The following PDE10A variants were observed in gnomAD, a reference collection of about 807,000 sequenced individuals.
PDE10A encodes the protein cAMP and cAMP-inhibited cGMP 3',5'-cyclic phosphodiesterase 10A.
PDE10A carries 39 observed loss-of-function variants against 97.7 expected under a neutral mutation model. The observed-to-expected ratio is 0.40, with a 90% CI of 0.31 to 0.52. The LOEUF (loss-of-function observed/expected upper bound fraction) is 0.52. Among genes scored for constraint, PDE10A ranks in the 20% least tolerant of loss-of-function variants. The pLI is 0.56. For missense variants in PDE10A, 731 were observed against 1,047.8 expected (o/e 0.70, Z 4.17); for synonymous variants, 371 against 376.8 (o/e 0.98, Z 0.18).
At chr6:165,755,193 C>G (rs1793089739) in intron 1 of PDE10A, among the ~76,000 whole-genome samples, 1 of 152,186 alleles carries the variant, frequency 6.6e-6, no homozygotes, top group Admixed American at 6.5e-5. Flanking sequence ...AGAGGAGCAT[C>G]AAAGTCCTGA....
intron 1 of PDE10A, among the ~76,000 whole-genome samples, chr6:165,699,814 T>C (rs527424258): frequency 2.0e-5 from 3 of 152,224 alleles, no homozygotes; most frequent in South Asian, 4.1e-4. Context: ...CCAAAACTTA[T>C]GGGACGCAGC....
intron 1 of PDE10A, among the ~76,000 whole-genome samples, chr6:165,555,037 G>A (rs577241003): frequency 6.6e-6 from 1 of 152,240 alleles, no homozygotes; most frequent in East Asian, 1.9e-4. Context: ...GTAGTAGGGG[G>A]CTAGGAGGAG....
chr6:165,791,012 C>T lies in PDE10A; in HGVS notation c.-615+196517G>A, dbSNP rs561150666. ...GATCAGTAACTCCTTATTTCTCCTA[C>T]CCCTTAACCCCAGCAACCAACTCCT... is the stretch of plus-strand genomic sequence containing the variant. On this transcript the variant is annotated intron_variant, in intron 1 of 19. Transcript: ENST00000366882. Among the ~76,000 whole-genome samples the T allele has an allele frequency of 2.6e-5, 4 of 152,166 alleles. No homozygotes were observed. The South Asian group carries it at 6.2e-4, about 24-fold the overall frequency.
intron 1 of PDE10A, among the ~76,000 whole-genome samples, chr6:165,675,976 G>T (rs1229965137): frequency 6.6e-6 from 1 of 152,128 alleles, no homozygotes; most frequent in African/African-American, 2.4e-5. Context: ...CAAAGATATG[G>T]AATCACCCTA....
chr6:165,662,027 A>G lies in PDE10A; in HGVS notation c.785T>C (p.Leu262Pro). ...TCCATCTTCCATGTCGGAGCCGAAGAGCAGCGCGGCCGCGGCGGCGAGGGC... is the reference window on the plus strand; with the variant it reads ...TCCATCTTCCATGTCGGAGCCGAAGGGCAGCGCGGCCGCGGCGGCGAGGGC... ...SFALAAAAAL[L>P]FGSDMEDGPS... is the part of the protein sequence containing the mutation. Residue 262 changes from leucine (L) to proline (P), a missense_variant, in exon 1 of 22, where the codon CTC (leucine) becomes CCC (proline). Leu to Pro is a moderately conservative substitution (Grantham distance 98). Coordinates refer to ENST00000539869, the MANE Select transcript of PDE10A (RefSeq NM_001385079.1). 6.7e-7 allele frequency: 1 copy of G among 1,497,140 alleles called. No homozygotes were observed. The highest frequency in any genetic ancestry group is 1.3e-5 in the South Asian group (1 of 79,296). 92.7% of individuals were successfully genotyped at this position (1,497,140 alleles called of 1,614,324 possible).
In PDE10A at chr6:165,376,788, G is replaced by A. The variant is rs565076358; in HGVS notation, c.2783+2406C>T. On this transcript the variant is annotated intron_variant, in intron 18 of 21. Transcript: ENST00000539869. The stretch of plus-strand genomic sequence containing the variant: ...AAAAAAATTAGCTGGGCATGGTGGT[G>A]TGTGCCTGTAGTCCTAGCTACTCAG... Among the ~76,000 whole-genome samples, 9 of 152,222 alleles carry A rather than the reference G, an allele frequency of 5.9e-5. 1 individual carries two copies. In the South Asian group the frequency reaches 1.9e-3, roughly 32 times the overall value.
At chr6:165,828,681 T>C (rs1779826997) in intron 1 of PDE10A, among the ~76,000 whole-genome samples, 1 of 152,162 alleles carries the variant, frequency 6.6e-6, no homozygotes, top group South Asian at 2.1e-4. Context: ...CTGTTCTTTT[T>C]TGAGGAGATC....
chr6:165,388,340 GGTGGAA>G lies in PDE10A; in HGVS notation c.2562_2567del (p.Ser855_Thr856del). The G allele has an allele frequency of 6.2e-7, 1 of 1,614,074 alleles. No homozygotes were observed. The highest frequency in any genetic ancestry group is 8.5e-7 in the Non-Finnish European group (1 of 1,179,966). ...TCTGGGAGAAGTGGTGCTGCTCCAT[GGTGGAA>G]GTGGAGTAGAGAGCGGCCAGAGGGT... On this transcript the variant is annotated inframe_deletion, in exon 17 of 22. Coordinates refer to ENST00000539869, the MANE Select transcript of PDE10A (RefSeq NM_001385079.1). This position sits in a 1 kb window ranked among gnomAD's most constrained non-coding sequence, Gnocchi z 4.0.
intron 21 of PDE10A, 131 bp downstream of exon 21, chr6:165,335,992 G>A: frequency 1.3e-6 from 1 of 754,412 alleles, no homozygotes; most frequent in South Asian, 1.5e-5. Context: ...GAGGCCCCGA[G>A]TCCCTGAGCA....
intron 1 of PDE10A, among the ~76,000 whole-genome samples, chr6:165,590,646 G>A (rs566444140): frequency 1.6e-4 from 25 of 152,252 alleles, no homozygotes; most frequent in Admixed American, 3.9e-4. Flanking sequence ...AATCTCAGCC[G>A]TTTGCGAGGC....
intron 1 of PDE10A, among the ~76,000 whole-genome samples, chr6:165,843,574 G>A (rs1299350700): frequency 1.3e-5 from 2 of 152,144 alleles, no homozygotes; most frequent in African/African-American, 4.8e-5. Context: ...AGAAGGGACG[G>A]ACAGGCTCCC....
intron 13 of PDE10A, 21 bp from the exon 14 acceptor site, chr6:165,396,480 A>C (rs763115396): frequency 6.3e-7 from 1 of 1,578,704 alleles, no homozygotes; most frequent in South Asian, 1.2e-5. Context: ...AATCCAAAAA[A>C]AAAACCCCCA....
chr6:165,726,199 C>CGTT (rs1399407146), intron 1 of PDE10A, among the ~76,000 whole-genome samples: 1 of 152,132 alleles, frequency 6.6e-6, no homozygotes, highest in Non-Finnish European at 1.5e-5. Flanking sequence ...CCCACCAGAA[C>CGTT]GTTGTTTTGT....
chr6:165,397,112 C>T (rs920360901), intron 13 of PDE10A, among the ~76,000 whole-genome samples: 2 of 152,126 alleles, frequency 1.3e-5, no homozygotes, highest in Non-Finnish European at 2.9e-5. Context: ...TGGATAGGTA[C>T]ATTTTGCCAT....
At chr6:165,964,493 T>G (rs943290333) in intron 1 of PDE10A, among the ~76,000 whole-genome samples, 8 of 152,218 alleles carry the variant, frequency 5.3e-5, no homozygotes, top group African/African-American at 1.9e-4. Context: ...TGGTCTGAAA[T>G]AGTCATCAGT....
intron 2 of PDE10A, among the ~76,000 whole-genome samples, chr6:165,522,287 G>A (rs1220800959): frequency 3.9e-5 from 6 of 152,098 alleles, no homozygotes; most frequent in East Asian, 1.9e-4. Context: ...GGACTGCTCT[G>A]TAACTCATTC....
chr6:165,784,961 T>C (rs895929665), intron 1 of PDE10A, among the ~76,000 whole-genome samples: 1 of 152,202 alleles, frequency 6.6e-6, no homozygotes, highest in African/African-American at 2.4e-5. Flanking sequence ...AATGCTGTCC[T>C]TTATCCCGCA....
intron 1 of PDE10A, among the ~76,000 whole-genome samples, chr6:165,762,817 T>C (rs1358544809): frequency 2.6e-5 from 4 of 152,166 alleles, no homozygotes; most frequent in Admixed American, 2.6e-4. Context: ...TTCCATGCAG[T>C]TCTACCCAAA....
At chr6:165,567,978 A>G (rs1784856464) in intron 1 of PDE10A, among the ~76,000 whole-genome samples, 1 of 145,934 alleles carries the variant, frequency 6.9e-6, no homozygotes, top group African/African-American at 2.5e-5. Context: ...AGCACACAAT[A>G]GGTACGCAAC....
Sources: allele counts gnomAD v4.1 joint callset (sites outside exome capture counted in the v4.1 genomes callset), GRCh38; gene constraint gnomAD v4.1.1; non-coding constraint Gnocchi (gnomAD v3.1); transcripts MANE v1.5; gene names NCBI Gene and HGNC (gene_info 2026-07-23, HGNC 2026-07-21).